The following BCAS3 variants were observed in gnomAD, a reference collection of about 807,000 sequenced individuals.
BCAS3 encodes BCAS3 microtubule associated cell migration factor.
BCAS3 carries 53 observed loss-of-function variants against 116.1 expected under a neutral mutation model. That is an observed-to-expected ratio of 0.46 (90% CI 0.37 to 0.57). BCAS3 has a LOEUF of 0.57. Among genes scored for constraint, BCAS3 ranks in the 20% least tolerant of loss-of-function variants. The pLI is 0.00. For missense variants in BCAS3, 917 were observed against 1,165.4 expected (o/e 0.79, Z 3.10); for synonymous variants, 391 against 408.2 (o/e 0.96, Z 0.51).
At chr17:61,153,106 A>G (rs991151804) in intron 22 of BCAS3, among the ~76,000 whole-genome samples, 1 of 152,334 alleles carries the variant, frequency 6.6e-6, no homozygotes, top group Middle Eastern at 3.4e-3. Flanking sequence ...GCTTCTGTAA[A>G]TAAGAGAAGT....
Position 61,084,487 on chromosome 17 carries a change from ACCCC to A in BCAS3, c.2349_2352del (p.Asp783GlufsTer20). 1 of 1,613,962 alleles carries A rather than the reference ACCCC, an allele frequency of 6.2e-7. No homozygotes were observed. The highest frequency in any genetic ancestry group is 8.5e-7 in the Non-Finnish European group (1 of 1,179,952). ...TGCAGGATCCAGCCAGTCCGCTCTG[ACCCC>A]GTCAGCATGCCAGGGTCATCCCGTC... On this transcript the variant is annotated frameshift_variant, in exon 22 of 24. Transcript: ENST00000407086. LOFTEE classifies it high-confidence loss of function. The surrounding 1 kb of genome is among the most constrained non-coding windows in gnomAD (Gnocchi z 5.5).
chr17:60,854,001 T>A (rs1447909373), intron 7 of BCAS3, among the ~76,000 whole-genome samples: 1 of 152,120 alleles, frequency 6.6e-6, no homozygotes, highest in Non-Finnish European at 1.5e-5. Context: ...GCTGCACCCA[T>A]TGACTCGTCT....
Position 61,131,262 on chromosome 17 carries a change from A to G in BCAS3, c.2425+46698A>G, listed in dbSNP as rs551610342. ...AAATAACAAAAATAACACTCGTATC[A>G]TAGACATTAGAGAGTTCTTACTTGG... On this transcript the variant is annotated intron_variant, in intron 22 of 23. Transcript: ENST00000407086. This position sits in a 1 kb window ranked among gnomAD's most constrained non-coding sequence, Gnocchi z 4.4. Among the ~76,000 whole-genome samples, 12 of 152,362 alleles carry G rather than the reference A, an allele frequency of 7.9e-5. No individual in the cohort carries two copies. In the South Asian group the frequency reaches 2.3e-3, roughly 29 times the overall value.
At chr17:61,225,159 C>CATT (rs2082306316) in intron 22 of BCAS3, among the ~76,000 whole-genome samples, 2 of 142,288 alleles carry the variant, frequency 1.4e-5, no homozygotes, top group South Asian at 4.4e-4. Context: ...ATCGCTCTGC[C>CATT]TTTTTTTTTT....
chr17:60,840,630 C>T (rs950452459), intron 7 of BCAS3, among the ~76,000 whole-genome samples: 6 of 152,140 alleles, frequency 3.9e-5, no homozygotes, highest in Non-Finnish European at 5.9e-5. Context: ...GCATTCTTGA[C>T]TTTTGTCTTA....
intron 13 of BCAS3, among the ~76,000 whole-genome samples, chr17:60,928,230 T>C (rs9894263): frequency 6.6e-6 from 1 of 152,156 alleles, no homozygotes; most frequent in East Asian, 1.9e-4. Context: ...AAGGACAGCA[T>C]GCTAGGGGAT....
At chr17:61,225,143 A>T (rs899252673) in intron 22 of BCAS3, among the ~76,000 whole-genome samples, 14 of 146,162 alleles carry the variant, frequency 9.6e-5, no homozygotes, top group Non-Finnish European at 1.9e-4. Context: ...TTTTGGACAT[A>T]CAAGTATCGC....
rs536483097 is a variant in BCAS3, at chr17:61,037,858, A to C, written c.1763-31A>C. 5.6e-6 allele frequency: 9 copies of C among 1,601,028 alleles called. No homozygotes were observed. The South Asian group carries it at 7.8e-5, about 14-fold the overall frequency. On this transcript the variant is annotated intron_variant, in intron 17 of 23. Transcript: ENST00000407086. This position sits in a 1 kb window ranked among gnomAD's most constrained non-coding sequence, Gnocchi z 4.7. ...TTCTGTGCTCCATTTATGCCATCAT[A>C]ACACATCGGGTTCTGTTTCTCTGTT...
chr17:60,758,090 CCTATT>C (rs1481030251), intron 6 of BCAS3, among the ~76,000 whole-genome samples: 1 of 152,058 alleles, frequency 6.6e-6, no homozygotes, highest in Non-Finnish European at 1.5e-5. Context: ...TTTCTAGACT[CCTATT>C]CTGTTCCATT....
Position 60,990,218 on chromosome 17 carries a change from C to G in BCAS3, c.1469C>G (p.Ser490Cys), listed in dbSNP as rs752421395. 6.8e-6 allele frequency: 11 copies of G among 1,613,814 alleles called. No individual in the cohort carries two copies. In the Admixed American group the frequency reaches 1.7e-4, roughly 24 times the overall value. The change falls in exon 15 of 24, where the codon TCT becomes TGT. Residue 490 changes from serine to cysteine, a missense_variant. Ser to Cys is a moderately radical substitution (Grantham distance 112). Coordinates refer to ENST00000407086, the MANE Select transcript of BCAS3 (RefSeq NM_017679.5). This position sits in a 1 kb window ranked among gnomAD's most constrained non-coding sequence, Gnocchi z 5.1. ...SPVPGLSSSPSGSPLHGKLNS... is the reference protein window; with the variant it reads ...SPVPGLSSSPCGSPLHGKLNS... ...GTTCCAGGTCTATCAAGCAGCCCTT[C>G]TGGGTCACCCTTGCATGGTAATTTT... is the stretch of plus-strand genomic sequence containing the variant.
At position 60,890,589 on chromosome 17, in the gene BCAS3, A is replaced by C. The variant is rs150698620; in HGVS notation, c.738+818A>C. ...ATTTTGTTGACTTCTTCGGTTATTTATCAATTTATTTATTAAGGTCATCAT... is the reference window on the plus strand; with the variant it reads ...ATTTTGTTGACTTCTTCGGTTATTTCTCAATTTATTTATTAAGGTCATCAT... On this transcript the variant is annotated intron_variant, in intron 10 of 23. Coordinates refer to ENST00000407086, the MANE Select transcript of BCAS3 (RefSeq NM_017679.5). Among the ~76,000 whole-genome samples, 119 of 152,330 alleles carry C rather than the reference A, an allele frequency of 7.8e-4. 3 individuals are homozygous for C. The highest frequency in any genetic ancestry group is 7.7e-4 in the East Asian group (4 of 5,190).
At chr17:60,952,541 AAC>A (rs2060902118) in intron 14 of BCAS3, among the ~76,000 whole-genome samples, 1 of 152,002 alleles carries the variant, frequency 6.6e-6, no homozygotes, top group African/African-American at 2.4e-5. Context: ...GCTGGCCTCA[AAC>A]TCCTGACCTC....
At chr17:61,153,624 A>G (rs1264118784) in intron 22 of BCAS3, among the ~76,000 whole-genome samples, 2 of 152,198 alleles carry the variant, frequency 1.3e-5, no homozygotes, top group Non-Finnish European at 2.9e-5. Context: ...CTGCTTTACC[A>G]TAATCCAAAA....
chr17:61,274,416 G>A (rs1420682990), intron 22 of BCAS3, among the ~76,000 whole-genome samples: 1 of 151,118 alleles, frequency 6.6e-6, no homozygotes, highest in Non-Finnish European at 1.5e-5. Context: ...AGCCTCCTGA[G>A]TAGCTGGGAT....
intron 13 of BCAS3, among the ~76,000 whole-genome samples, chr17:60,926,875 TC>T: frequency 6.6e-6 from 1 of 152,234 alleles, no homozygotes; most frequent in East Asian, 1.9e-4. Flanking sequence ...TTCTTTGTCC[TC>T]TCACATTTGT....
intron 22 of BCAS3, among the ~76,000 whole-genome samples, chr17:61,358,430 A>G (rs1338938548): frequency 6.6e-6 from 1 of 151,312 alleles, no homozygotes; most frequent in Non-Finnish European, 1.5e-5. Context: ...GTTGCTTCCT[A>G]GGTTATTTAT....
rs1178219663 is a variant in BCAS3, at chr17:61,087,935, C to A, written c.2425+3371C>A. On this transcript the variant is annotated intron_variant, in intron 22 of 23. Coordinates refer to ENST00000407086, the MANE Select transcript of BCAS3 (RefSeq NM_017679.5). This position sits in a 1 kb window ranked among gnomAD's most constrained non-coding sequence, Gnocchi z 4.6. Reference sequence around the variant, plus strand: ...CAGTGGATCACAACTATAATCCTAGCACTTTGGGAGGCCGAAGCGGTGGAT... The same window carrying A: ...CAGTGGATCACAACTATAATCCTAGAACTTTGGGAGGCCGAAGCGGTGGAT... 6.6e-6 allele frequency among the ~76,000 whole-genome samples: 1 copy of A among 152,138 alleles called. No homozygotes were observed. Among genetic ancestry groups the A allele is most frequent in the African/African-American group, 2.4e-5 (1 of 41,418 alleles).
chr17:61,030,808 TA>T (rs1250232026), intron 16 of BCAS3, among the ~76,000 whole-genome samples: 1 of 152,090 alleles, frequency 6.6e-6, no homozygotes, highest in African/African-American at 2.4e-5. Context: ...TTTTTTCTTT[TA>T]TTTTTTGCTC....
intron 22 of BCAS3, among the ~76,000 whole-genome samples, chr17:61,138,295 A>T (rs1334836897): frequency 1.3e-5 from 2 of 152,222 alleles, no homozygotes; most frequent in African/African-American, 4.8e-5. Flanking sequence ...TAGAAATCTT[A>T]GCTTTGACAA....
Sources: allele counts gnomAD v4.1 joint callset (sites outside exome capture counted in the v4.1 genomes callset), GRCh38; gene constraint gnomAD v4.1.1; non-coding constraint Gnocchi (gnomAD v3.1); transcripts MANE v1.5; gene names NCBI Gene and HGNC (gene_info 2026-07-23, HGNC 2026-07-21).